AGPAT4: variants seen among roughly 807,000 people sequenced by gnomAD.
AGPAT4 encodes 1-acylglycerol-3-phosphate O-acyltransferase 4, also known as 1-acyl-sn-glycerol-3-phosphate acyltransferase delta.
In AGPAT4, 15 loss-of-function variants were observed where a neutral mutation model predicts 48.0. The observed-to-expected ratio is 0.31, with a 90% CI of 0.21 to 0.48. The LOEUF is 0.48. Ranked by LOEUF, AGPAT4 falls within the 20% of genes least tolerant of loss-of-function variation. The probability of loss-of-function intolerance (pLI) is 0.99; values close to 1 mark genes in which losing one functional copy is unlikely to be tolerated. For missense variants in AGPAT4, 314 were observed against 482.5 expected, an observed-to-expected ratio of 0.65 and a Z score of 3.27; for synonymous variants, 178 against 198.7, an observed-to-expected ratio of 0.90 and a Z score of 0.88.
Position 161,132,239 on chromosome 6 carries a change from T to TGAA in AGPAT4, c.*4298_*4300dup, listed in dbSNP as rs1193879867. ...AAAAAATTGTTTTCAATTAAATTTC[T>TGAA]GAAGATCTTTGTAGGGAAGCACCCT... On this transcript the variant is annotated 3_prime_UTR_variant, in exon 9 of 9. Coordinates refer to ENST00000320285, the MANE Select transcript of AGPAT4 (RefSeq NM_020133.3). The TGAA allele has an allele frequency of 2.0e-5, 3 of 152,264 alleles. No homozygotes were observed. In the East Asian group the frequency reaches 5.8e-4, roughly 29 times the overall value. 9.4% of individuals were successfully genotyped at this position (152,264 alleles called of 1,614,324 possible).
At chr6:161,265,507 T>C (rs1308662327) in intron 1 of AGPAT4, among the ~76,000 whole-genome samples, 1 of 151,904 alleles carries the variant, frequency 6.6e-6, no homozygotes, top group Non-Finnish European at 1.5e-5. Flanking sequence ...TACCCACTGC[T>C]GGACTGGGTG....
rs892156346 is a variant in AGPAT4 at position 161,159,605 on chromosome 6, G to A, written c.349-5295C>T. Reference sequence around the variant, plus strand: ...AAATAATGAATCAGTTTGTGTGCACGCGTGCGTGTGTGTGTGTGTTCATCA... The same window carrying A: ...AAATAATGAATCAGTTTGTGTGCACACGTGCGTGTGTGTGTGTGTTCATCA... On this transcript the variant is annotated intron_variant, in intron 3 of 8. Transcript: ENST00000320285. This position sits in a 1 kb window ranked among gnomAD's most constrained non-coding sequence, Gnocchi z 4.1. Among the ~76,000 whole-genome samples, 1 of 152,170 alleles carries A rather than the reference G, an allele frequency of 6.6e-6. No individual in the cohort carries two copies. Among genetic ancestry groups the A allele is most frequent in the Admixed American group, 6.5e-5 (1 of 15,274 alleles).
rs1327007933 is a variant in AGPAT4 at position 161,161,770 on chromosome 6, A to G, written c.348+4478T>C. ...TCTCCTAGAGAAACCACACACAATC[A>G]ACACTCACTGGACACGTATTTTGAA... On this transcript the variant is annotated intron_variant, in intron 3 of 8. Coordinates refer to ENST00000320285, the MANE Select transcript of AGPAT4 (RefSeq NM_020133.3). The surrounding 1 kb of genome is among the most constrained non-coding windows in gnomAD (Gnocchi z 4.6). 3.2e-6 allele frequency: 1 copy of G among 313,248 alleles called. No homozygotes were observed. Among genetic ancestry groups the G allele is most frequent in the Admixed American group, 4.0e-5 (1 of 25,020 alleles). 19.4% of individuals were successfully genotyped at this position (313,248 alleles called of 1,614,324 possible).
At chr6:161,205,354 C>T (rs1445041977) in intron 2 of AGPAT4, among the ~76,000 whole-genome samples, 10 of 152,142 alleles carry the variant, frequency 6.6e-5, no homozygotes, top group Non-Finnish European at 2.9e-5. Flanking sequence ...AGGCTCCTTT[C>T]TCCTCTATGT....
In AGPAT4 at chr6:161,235,653, G is replaced by A. The variant is rs906636221; in HGVS notation, c.-89-3351C>T. 2.6e-5 allele frequency among the ~76,000 whole-genome samples: 4 copies of A among 152,208 alleles called. No homozygotes were observed. Among genetic ancestry groups the A allele is most frequent in the Admixed American group, 1.3e-4 (2 of 15,286 alleles). On this transcript the variant is annotated intron_variant, in intron 1 of 8. Coordinates refer to ENST00000320285, the MANE Select transcript of AGPAT4 (RefSeq NM_020133.3). The surrounding 1 kb of genome is among the most constrained non-coding windows in gnomAD (Gnocchi z 6.2). ...GCTTCTGATTCTGGGGAGGCCTCAG[G>A]AAGCTTTTACTCATGGCGGAAGGCA...
At chr6:161,271,965 G>A (rs116926509) in intron 1 of AGPAT4, among the ~76,000 whole-genome samples, 127 of 152,232 alleles carry the variant, frequency 8.3e-4, no homozygotes, top group Non-Finnish European at 1.6e-3. Flanking sequence ...CAATCCAACC[G>A]TTTCTCTGTG....
rs1023869010 is a variant in AGPAT4 at position 161,147,388 on chromosome 6, C to G, written c.768-789G>C. 2.0e-5 allele frequency among the ~76,000 whole-genome samples: 3 copies of G among 152,208 alleles called. No homozygotes were observed. The highest frequency in any genetic ancestry group is 4.4e-5 in the Non-Finnish European group (3 of 68,042). ...CTCAGGTTGATGGCTCTTGTGATTT[C>G]AAGGGACGTTCATTTATACTCAATT... On this transcript the variant is annotated intron_variant, in intron 6 of 8. Coordinates refer to ENST00000320285, the MANE Select transcript of AGPAT4 (RefSeq NM_020133.3). The surrounding 1 kb of genome is among the most constrained non-coding windows in gnomAD (Gnocchi z 4.8).
At chr6:161,187,606 C>T (rs987055746) in intron 2 of AGPAT4, among the ~76,000 whole-genome samples, 2 of 151,934 alleles carry the variant, frequency 1.3e-5, no homozygotes, top group Non-Finnish European at 2.9e-5. Context: ...TGCAGTGGCA[C>T]AATCTCAGCT....
Position 161,143,121 on chromosome 6 carries a change from G to A in AGPAT4, c.843+3403C>T, listed in dbSNP as rs1327662792. ...AGGGTCTTGCTCTGCTGCCCAGGCT[G>A]GAGTGCAGTGGTGCAATCATAGCTC... is the stretch of plus-strand genomic sequence containing the variant. On this transcript the variant is annotated intron_variant, in intron 7 of 8. Coordinates refer to ENST00000320285, the MANE Select transcript of AGPAT4 (RefSeq NM_020133.3). The surrounding 1 kb of genome is among the most constrained non-coding windows in gnomAD (Gnocchi z 4.7). 6.6e-6 allele frequency among the ~76,000 whole-genome samples: 1 copy of A among 152,208 alleles called. No individual in the cohort carries two copies. The highest frequency in any genetic ancestry group is 1.5e-5 in the Non-Finnish European group (1 of 68,044).
At chr6:161,172,297 C>T (rs1780287671) in intron 2 of AGPAT4, among the ~76,000 whole-genome samples, 1 of 152,146 alleles carries the variant, frequency 6.6e-6, no homozygotes, top group Non-Finnish European at 1.5e-5. Flanking sequence ...TGGGTCTTGC[C>T]CTTTAGGGTG....
At chr6:161,210,833 T>C (rs1482564600) in intron 2 of AGPAT4, among the ~76,000 whole-genome samples, 2 of 152,228 alleles carry the variant, frequency 1.3e-5, no homozygotes, top group African/African-American at 2.4e-5. Flanking sequence ...TCTTTTCTTG[T>C]GTACTCTTTA....
rs367685567 is a variant in AGPAT4 at position 161,134,437 on chromosome 6, T to C, written c.*2103A>G. On this transcript the variant is annotated 3_prime_UTR_variant, in exon 9 of 9. Coordinates refer to ENST00000320285, the MANE Select transcript of AGPAT4 (RefSeq NM_020133.3). ...ATTTTTAGTACGACAAGAAAATTTCTGAGCATTTTTGAGAGTAGCAACATA... is the reference window on the plus strand; with the variant it reads ...ATTTTTAGTACGACAAGAAAATTTCCGAGCATTTTTGAGAGTAGCAACATA... 11 of 152,216 alleles carry C rather than the reference T, an allele frequency of 7.2e-5. No homozygotes were observed. The highest frequency in any genetic ancestry group is 2.7e-4 in the African/African-American group (11 of 41,448). The allele number at this position is 152,216 out of a possible 1,614,324, so 9.4% of individuals were successfully genotyped here.
At chr6:161,188,582 C>T (rs183198953) in intron 2 of AGPAT4, among the ~76,000 whole-genome samples, 3 of 152,222 alleles carry the variant, frequency 2.0e-5, no homozygotes, top group South Asian at 2.1e-4. Flanking sequence ...CAATACTAAA[C>T]GACATTATGA....
At chr6:161,167,676 CTT>C (rs71676740) in intron 2 of AGPAT4, among the ~76,000 whole-genome samples, 7,108 of 152,280 alleles carry the variant, frequency 0.047, 181 homozygotes, top group Non-Finnish European at 0.063. Flanking sequence ...TCCTTGGAAA[CTT>C]TTCTCCTCCA....
chr6:161,213,737 G>T (rs1450654162), intron 2 of AGPAT4, among the ~76,000 whole-genome samples: 1 of 152,116 alleles, frequency 6.6e-6, no homozygotes, highest in Non-Finnish European at 1.5e-5. Context: ...TTTGCTTGTT[G>T]TTGTTTGTCT....
At chr6:161,162,214 A>G (rs1388685397) in intron 3 of AGPAT4, among the ~76,000 whole-genome samples, 2 of 152,366 alleles carry the variant, frequency 1.3e-5, no homozygotes, top group African/African-American at 4.8e-5. Context: ...TGGGGTGGGC[A>G]GCCGCCAAGG....
intron 2 of AGPAT4, among the ~76,000 whole-genome samples, chr6:161,193,460 G>T (rs1364896913): frequency 6.6e-6 from 1 of 152,170 alleles, no homozygotes; most frequent in Non-Finnish European, 1.5e-5. Context: ...AGCATCCGGG[G>T]GATCTGAATA....
Position 161,154,048 on chromosome 6 carries a change from C to T in AGPAT4, c.510+101G>A, listed in dbSNP as rs1281867867. 1 of 1,505,926 alleles carries T rather than the reference C, an allele frequency of 6.6e-7. No individual in the cohort carries two copies. The highest frequency in any genetic ancestry group is 9.1e-7 in the Non-Finnish European group (1 of 1,092,916). The allele number at this position is 1,505,926 out of a possible 1,614,324, so 93.3% of individuals were successfully genotyped here. A position where few individuals can be genotyped will look rare whatever the true frequency, so the allele number is the denominator to read the frequency against. ...GGTCACACACAGCCCTGGAGTCGCACAGGACCACACAGTCACGTGTCCTGT... is the reference window on the plus strand; with the variant it reads ...GGTCACACACAGCCCTGGAGTCGCATAGGACCACACAGTCACGTGTCCTGT... On this transcript the variant is annotated intron_variant, in intron 4 of 8. Transcript: ENST00000320285. The surrounding 1 kb of genome is among the most constrained non-coding windows in gnomAD (Gnocchi z 7.8).
rs906037155 is a variant in AGPAT4 at position 161,169,238 on chromosome 6, C to T, written c.179-2821G>A. Among the ~76,000 whole-genome samples the T allele has an allele frequency of 1.1e-4, 17 of 152,040 alleles. No individual in the cohort carries two copies. Among genetic ancestry groups the T allele is most frequent in the African/African-American group, 3.6e-4 (15 of 41,362 alleles). On this transcript the variant is annotated intron_variant, in intron 2 of 8. Coordinates refer to ENST00000320285, the MANE Select transcript of AGPAT4 (RefSeq NM_020133.3). This position sits in a 1 kb window ranked among gnomAD's most constrained non-coding sequence, Gnocchi z 5.0. The stretch of plus-strand genomic sequence containing the variant: ...CCACTGGAGCATTTTTAAATAGACA[C>T]ACACCAACATCCAATTTGCATCTGA...
Sources: gnomAD v4.1 joint callset for allele counts (sites outside exome capture counted in the v4.1 genomes callset) on GRCh38, gnomAD v4.1.1 for gene constraint, Gnocchi (gnomAD v3.1) non-coding constraint, MANE v1.5 for transcripts, NCBI Gene and HGNC (gene_info 2026-07-23, HGNC 2026-07-21) for gene names.